CTNNA3: variants seen among roughly 807,000 people sequenced by gnomAD.
CTNNA3 encodes catenin alpha 3, also known as catenin alpha-3.
A neutral mutation model predicts 95.7 loss-of-function variants in CTNNA3; 76 were observed. The observed-to-expected ratio is 0.79, with a 90% CI of 0.66 to 0.96. The LOEUF is 0.96. Ranked by LOEUF, CTNNA3 falls within the 40% of genes least tolerant of loss-of-function variation. The pLI is 0.00. For missense variants in CTNNA3, 1,191 were observed against 1,089.8 expected, an observed-to-expected ratio of 1.09 and a Z score of -1.31; for synonymous variants, 431 against 374.4, an observed-to-expected ratio of 1.15 and a Z score of -1.74.
At chr10:67,230,038 A>C (rs1865113499) in intron 5 of CTNNA3, among the ~76,000 whole-genome samples, 1 of 152,190 alleles carries the variant, frequency 6.6e-6, no homozygotes, top group African/African-American at 2.4e-5. Context: ...AAAAGAACAA[A>C]TCTGGAGGTA....
intron 9 of CTNNA3, among the ~76,000 whole-genome samples, chr10:66,756,204 G>C (rs1839356542): frequency 6.6e-6 from 1 of 151,998 alleles, no homozygotes. Flanking sequence ...ACATTAGAGT[G>C]AAAAAAGAGG....
intron 10 of CTNNA3, among the ~76,000 whole-genome samples, chr10:66,591,280 T>C (rs926595902): frequency 3.3e-5 from 5 of 152,148 alleles, no homozygotes; most frequent in African/African-American, 9.7e-5. Flanking sequence ...ATATAAAACA[T>C]ATTTTTCCCC....
At chr10:67,497,556 A>G (rs994323294) in intron 5 of CTNNA3, among the ~76,000 whole-genome samples, 1 of 152,212 alleles carries the variant, frequency 6.6e-6, no homozygotes, top group Non-Finnish European at 1.5e-5. Context: ...TCAACAGTGT[A>G]AAAGCCTTCC....
At chr10:66,255,755 T>C (rs896271503) in intron 13 of CTNNA3, among the ~76,000 whole-genome samples, 3 of 152,190 alleles carry the variant, frequency 2.0e-5, no homozygotes, top group Non-Finnish European at 4.4e-5. Flanking sequence ...AGGTGGCAAA[T>C]GAAGATTTGG....
At chr10:67,420,897 T>C (rs1458408900) in intron 5 of CTNNA3, among the ~76,000 whole-genome samples, 2 of 152,174 alleles carry the variant, frequency 1.3e-5, no homozygotes, top group Non-Finnish European at 2.9e-5. Context: ...AGAGTGTCTT[T>C]TATCAAACTT....
chr10:67,682,376 G>C (rs1269753277), intron 1 of CTNNA3, among the ~76,000 whole-genome samples: 1 of 151,110 alleles, frequency 6.6e-6, no homozygotes, highest in Non-Finnish European at 1.5e-5. Context: ...ATTTGTAAAG[G>C]CAATTTATGT....
intron 12 of CTNNA3, among the ~76,000 whole-genome samples, chr10:66,289,039 C>A (rs1257312635): frequency 6.6e-6 from 1 of 151,842 alleles, no homozygotes; most frequent in Non-Finnish European, 1.5e-5. Flanking sequence ...TTGTGTTAAT[C>A]CCTTGAAGTT....
At chr10:67,091,760 C>T (rs1371284249) in intron 7 of CTNNA3, among the ~76,000 whole-genome samples, 1 of 151,856 alleles carries the variant, frequency 6.6e-6, no homozygotes, top group Non-Finnish European at 1.5e-5. Context: ...ACATTTGGAA[C>T]AAGAGACAGG....
Position 66,021,852 on chromosome 10 carries a change from C to CTTTTTTTTTTTTTTTTTTTTTTTTTTTTT in CTNNA3, c.2160-33056_2160-33055insAAAAAAAAAAAAAAAAAAAAAAAAAAAAA, listed in dbSNP as rs34671813. Reference sequence around the variant, plus strand: ...GGAAATTCCATATACAGGATCTTGGCTTTTTTTTTTTTTTTTAGATAGATA... The same window carrying CTTTTTTTTTTTTTTTTTTTTTTTTTTTTT: ...GGAAATTCCATATACAGGATCTTGGCTTTTTTTTTTTTTTTTTTTTTTTTTTTTTTTTTTTTTTTTTTTTTAGATAGATA... On this transcript the variant is annotated intron_variant, in intron 15 of 17. Transcript: ENST00000433211. Among the ~76,000 whole-genome samples the CTTTTTTTTTTTTTTTTTTTTTTTTTTTTT allele has an allele frequency of 9.5e-4, 72 of 75,924 alleles. 17 individuals are homozygous for CTTTTTTTTTTTTTTTTTTTTTTTTTTTTT. Among genetic ancestry groups the CTTTTTTTTTTTTTTTTTTTTTTTTTTTTT allele is most frequent in the South Asian group, 1.9e-3 (3 of 1,616 alleles). The allele number at this position is 75,924 out of a possible 152,430, so 49.8% of individuals were successfully genotyped here. A position where few individuals can be genotyped will look rare whatever the true frequency, so the allele number is the denominator to read the frequency against.
At chr10:66,313,971 T>G (rs934959519) in intron 12 of CTNNA3, among the ~76,000 whole-genome samples, 1 of 152,206 alleles carries the variant, frequency 6.6e-6, no homozygotes, top group African/African-American at 2.4e-5. Context: ...ATTCCTGAAT[T>G]TGAGACATAC....
chr10:66,709,463 C>T (rs1848221444), intron 9 of CTNNA3, among the ~76,000 whole-genome samples: 1 of 151,994 alleles, frequency 6.6e-6, no homozygotes, highest in Non-Finnish European at 1.5e-5. Flanking sequence ...ATATGGAAAG[C>T]CCCATAAATT....
chr10:66,796,521 A>G (rs951050811), intron 7 of CTNNA3, among the ~76,000 whole-genome samples: 27 of 152,116 alleles, frequency 1.8e-4, no homozygotes, highest in Admixed American at 5.3e-4. Context: ...TAAAAATTTA[A>G]AATATTAAAA....
chr10:67,741,540 T>C (rs367641105), intron 1 of CTNNA3, among the ~76,000 whole-genome samples: 2 of 150,868 alleles, frequency 1.3e-5, no homozygotes, highest in Non-Finnish European at 3.0e-5. Context: ...TGGTACCAGC[T>C]ACTGCAAAAA....
chr10:67,536,739 G>A (rs12256748), intron 4 of CTNNA3, among the ~76,000 whole-genome samples: 8,796 of 152,120 alleles, frequency 0.058, 276 homozygotes, highest in South Asian at 0.14. Context: ...CAATTTTAAC[G>A]CGCTAATGTG....
At chr10:67,446,720 T>C (rs1846762503) in intron 5 of CTNNA3, among the ~76,000 whole-genome samples, 1 of 152,154 alleles carries the variant, frequency 6.6e-6, no homozygotes, top group East Asian at 1.9e-4. Flanking sequence ...TCTCTTTGAA[T>C]ATAGACATCA....
intron 10 of CTNNA3, among the ~76,000 whole-genome samples, chr10:66,526,126 C>T (rs957624222): frequency 4.6e-5 from 7 of 152,070 alleles, no homozygotes; most frequent in African/African-American, 1.7e-4. Flanking sequence ...TGTACAAATG[C>T]CTGCTCAAGT....
chr10:65,995,822 C>G (rs2078645099), intron 15 of CTNNA3, among the ~76,000 whole-genome samples: 1 of 152,192 alleles, frequency 6.6e-6, no homozygotes, highest in Non-Finnish European at 1.5e-5. Context: ...AATACTTGCA[C>G]TGATACCAGT....
chr10:66,257,261 A>T (rs895452594), intron 13 of CTNNA3, among the ~76,000 whole-genome samples: 3 of 152,210 alleles, frequency 2.0e-5, no homozygotes, highest in African/African-American at 7.2e-5. Context: ...TCATAGATAC[A>T]GGGGCCAGTT....
At chr10:67,257,502 GA>G (rs1369602999) in intron 5 of CTNNA3, among the ~76,000 whole-genome samples, 1 of 152,170 alleles carries the variant, frequency 6.6e-6, no homozygotes, top group Admixed American at 6.5e-5. Flanking sequence ...ATTACAGTGT[GA>G]TATCTTGTGT....
Sources: gnomAD v4.1 joint callset for allele counts (sites outside exome capture counted in the v4.1 genomes callset) on GRCh38, gnomAD v4.1.1 for gene constraint, MANE v1.5 for transcripts, NCBI Gene and HGNC (gene_info 2026-07-23, HGNC 2026-07-21) for gene names.